Variants in MYO5A observed in about 807,000 individuals in gnomAD.
The protein encoded by MYO5A is unconventional myosin-Va.
A neutral mutation model predicts 249.7 loss-of-function variants in MYO5A; 98 were observed. That is an observed-to-expected ratio of 0.39 (90% confidence interval 0.33 to 0.46). The LOEUF (loss-of-function observed/expected upper bound fraction) is 0.46, where lower values mean the gene tolerates loss of function less well. Ranked by LOEUF, MYO5A falls within the 20% of genes least tolerant of loss-of-function variation. The probability of loss-of-function intolerance (pLI) is 0.98; values close to 1 mark genes in which losing one functional copy is unlikely to be tolerated. For synonymous variants in MYO5A, 778 were observed against 810.6 expected, an observed-to-expected ratio of 0.96 and a Z score of 0.68; for missense variants, 1,696 against 2,308.8, an observed-to-expected ratio of 0.73 and a Z score of 5.44.
At chr15:52,340,518 C>T (rs1038675624) in intron 31 of MYO5A, 124 bp from the exon 32 acceptor site, 9 of 819,590 alleles carry the variant, frequency 1.1e-5, no homozygotes, top group Non-Finnish European at 1.8e-5. Flanking sequence ...TCTGTGTTAT[C>T]TTCTGACTTG....
At position 52,407,395 on chromosome 15, in the gene MYO5A, A is replaced by G; in HGVS notation, c.843T>C (p.Asn281=). 6.2e-7 allele frequency: 1 copy of G among 1,611,108 alleles called. No individual in the cohort carries two copies. Among genetic ancestry groups the G allele is most frequent in the Non-Finnish European group, 8.5e-7 (1 of 1,177,296 alleles). ...LPEFKMLRLG[N]ADNFNYTKQG... ...GTTTTGTGTAATTAAAGTTATCTGCATTTCCTGTAATGAAGAAAAATAAAA... is the reference window on the plus strand; with the variant it reads ...GTTTTGTGTAATTAAAGTTATCTGCGTTTCCTGTAATGAAGAAAAATAAAA... Residue 281 remains asparagine (N), a synonymous_variant, in exon 8 of 42, where the codon AAT becomes AAC. Coordinates refer to ENST00000399233, the MANE Select transcript of MYO5A (RefSeq NM_001382347.1).
intron 11 of MYO5A, 82 bp from the exon 12 acceptor site, chr15:52,392,152 A>G: frequency 5.0e-6 from 7 of 1,394,218 alleles, no homozygotes; most frequent in Non-Finnish European, 6.0e-6. Context: ...ACATAATTTG[A>G]GATAATCTGT....
intron 29 of MYO5A, among the ~76,000 whole-genome samples, chr15:52,348,229 C>T (rs962370056): frequency 6.6e-6 from 1 of 152,164 alleles, no homozygotes; most frequent in Admixed American, 6.5e-5. Flanking sequence ...CTCTCTTAAG[C>T]CTGTGACCAG....
chr15:52,325,011 A>C (rs1443843512), intron 36 of MYO5A, among the ~76,000 whole-genome samples: 1 of 152,214 alleles, frequency 6.6e-6, no homozygotes, highest in East Asian at 1.9e-4. Context: ...AGTAAATACA[A>C]TTTTATTACT....
At chr15:52,458,084 A>C (rs544897462) in intron 1 of MYO5A, among the ~76,000 whole-genome samples, 1 of 152,350 alleles carries the variant, frequency 6.6e-6, no homozygotes, top group African/African-American at 2.4e-5. Context: ...GTAAAATTAT[A>C]ATTACTAGAG....
chr15:52,431,430 AAAGT>A (rs1191932336), intron 2 of MYO5A, among the ~76,000 whole-genome samples: 1 of 152,076 alleles, frequency 6.6e-6, no homozygotes, highest in East Asian at 1.9e-4. Flanking sequence ...ACATAGACAT[AAAGT>A]AAGTATAGAT....
chr15:52,434,975 T>G (rs563288147), intron 1 of MYO5A, among the ~76,000 whole-genome samples: 1 of 152,330 alleles, frequency 6.6e-6, no homozygotes, highest in East Asian at 1.9e-4. Context: ...CTTGGAGCTT[T>G]GAGAAGGAGC....
chr15:52,372,766 A>G (rs1279883372), intron 20 of MYO5A, among the ~76,000 whole-genome samples: 3 of 152,168 alleles, frequency 2.0e-5, no homozygotes, highest in Admixed American at 6.5e-5. Context: ...ATGATCCTCT[A>G]TAAAATTAAC....
In MYO5A at chr15:52,337,937, A is replaced by C. The variant is rs1394473848; in HGVS notation, c.4240-53T>G. On this transcript the variant is annotated intron_variant, in intron 32 of 41. Coordinates refer to ENST00000399233, the MANE Select transcript of MYO5A (RefSeq NM_001382347.1). ...GTTTTTGTCTGTGTGTTTGAGGGAA[A>C]TGCTATCTTTCAGCAAAATCAATTT... 4 of 1,237,320 alleles carry C rather than the reference A, an allele frequency of 3.2e-6. No homozygotes were observed. In the African/African-American group the frequency reaches 4.6e-5, roughly 14 times the overall value. The allele number at this position is 1,237,320 out of a possible 1,614,324, so 76.6% of individuals were successfully genotyped here.
intron 1 of MYO5A, among the ~76,000 whole-genome samples, chr15:52,525,704 T>C (rs1193509789): frequency 2.6e-5 from 4 of 152,368 alleles, no homozygotes; most frequent in African/African-American, 4.8e-5. Flanking sequence ...CTTGTGCTTA[T>C]CCACTGATAA....
At chr15:52,395,109 CT>C (rs1469675912) in intron 11 of MYO5A, among the ~76,000 whole-genome samples, 1 of 152,202 alleles carries the variant, frequency 6.6e-6, no homozygotes, top group Non-Finnish European at 1.5e-5. Flanking sequence ...CAACCCCAAT[CT>C]CGCTCCCTGG....
Position 52,504,683 on chromosome 15 carries a change from C to T in MYO5A, c.27+24097G>A, listed in dbSNP as rs375254541. ...TTGGGAGACCAAGGCGGGTGGATCG[C>T]GAGGTCAGGAGTTCAAGACCAGATG... On this transcript the variant is annotated intron_variant, in intron 1 of 41. Transcript: ENST00000399233. Among the ~76,000 whole-genome samples, 8 of 152,020 alleles carry T rather than the reference C, an allele frequency of 5.3e-5. No individual in the cohort carries two copies. The East Asian group carries it at 5.8e-4, about 11-fold the overall frequency.
intron 1 of MYO5A, among the ~76,000 whole-genome samples, chr15:52,440,538 G>A (rs1048288134): frequency 1.3e-5 from 2 of 152,190 alleles, no homozygotes; most frequent in Non-Finnish European, 2.9e-5. Context: ...AAAGTGCTAG[G>A]ATTAAAGGCA....
intron 1 of MYO5A, among the ~76,000 whole-genome samples, chr15:52,517,550 G>A (rs1428888765): frequency 6.6e-6 from 1 of 152,188 alleles, no homozygotes; most frequent in East Asian, 1.9e-4. Context: ...GCTAGGCGTG[G>A]TGGCAGGCAC....
chr15:52,454,296 C>A (rs2076076583), intron 1 of MYO5A, among the ~76,000 whole-genome samples: 1 of 152,040 alleles, frequency 6.6e-6, no homozygotes, highest in Admixed American at 6.6e-5. Context: ...ATAAAGGGAT[C>A]AATTAAGCAA....
At chr15:52,485,259 T>TAAAAAAAAAAAAAAAAAAAAAAAATAA in intron 1 of MYO5A, among the ~76,000 whole-genome samples, 1 of 102,762 alleles carries the variant, frequency 9.7e-6, no homozygotes. Flanking sequence ...ATTCACTATG[T>TAAAAAAAAAAAAAAAAAAAAAAAATAA]AAAAAAAAAA....
At chr15:52,429,726 G>A (rs1008850552) in intron 2 of MYO5A, among the ~76,000 whole-genome samples, 3 of 151,672 alleles carry the variant, frequency 2.0e-5, no homozygotes, top group East Asian at 1.9e-4. Flanking sequence ...CAAAACAAAC[G>A]ACATTTTAAT....
intron 1 of MYO5A, chr15:52,438,094 T>C (rs1166020019): frequency 2.0e-6 from 2 of 981,118 alleles, no homozygotes; most frequent in East Asian, 1.1e-4. Flanking sequence ...GAAACAACTA[T>C]GCCAGAAGGG....
At position 52,470,103 on chromosome 15, in the gene MYO5A, G is replaced by T. The variant is rs533778724; in HGVS notation, c.28-36818C>A. Among the ~76,000 whole-genome samples, 22 of 152,312 alleles carry T rather than the reference G, an allele frequency of 1.4e-4. 1 individual carries two copies. In the South Asian group the frequency reaches 4.4e-3, roughly 30 times the overall value. On this transcript the variant is annotated intron_variant, in intron 1 of 41. Coordinates refer to ENST00000399233, the MANE Select transcript of MYO5A (RefSeq NM_001382347.1). Reference sequence around the variant, plus strand: ...CACAGCGTTTTCTATAACAATAATGGCACCTTCAATGGTGTAATCCTTCCA... The same window carrying T: ...CACAGCGTTTTCTATAACAATAATGTCACCTTCAATGGTGTAATCCTTCCA...
Sources: allele counts gnomAD v4.1 joint callset (sites outside exome capture counted in the v4.1 genomes callset), GRCh38; gene constraint gnomAD v4.1.1; transcripts MANE v1.5; gene names NCBI Gene and HGNC (gene_info 2026-07-23, HGNC 2026-07-21).